PRIMA1: variants seen among roughly 807,000 people sequenced by gnomAD.
The protein encoded by PRIMA1 is proline rich membrane anchor 1.
PRIMA1 carries 7 observed loss-of-function variants against 17.5 expected under a neutral mutation model. The ratio of observed to expected loss-of-function variants is 0.40; its 90% confidence interval spans 0.23 to 0.75. The LOEUF (loss-of-function observed/expected upper bound fraction) is 0.75. PRIMA1 is among the 30% of genes least tolerant of loss of function. PRIMA1 has a pLI of 0.37. For synonymous variants in PRIMA1, 97 were observed against 77.9 expected (o/e 1.25, Z -1.29); for missense variants, 200 against 201.8 (o/e 0.99, Z 0.05).
intron 3 of PRIMA1, among the ~76,000 whole-genome samples, chr14:93,751,053 C>T (rs2076256295): frequency 6.6e-6 from 1 of 152,236 alleles, no homozygotes; most frequent in South Asian, 2.1e-4. Context: ...TGACAACATT[C>T]CCTGGAAGGC....
intron 3 of PRIMA1, among the ~76,000 whole-genome samples, chr14:93,778,812 G>A (rs1566978179): frequency 6.6e-6 from 1 of 152,156 alleles, no homozygotes; most frequent in Non-Finnish European, 1.5e-5. Context: ...CTCCTTAAAT[G>A]TAAATTATAA....
intron 3 of PRIMA1, among the ~76,000 whole-genome samples, chr14:93,755,260 G>A (rs1035934599): frequency 1.3e-5 from 2 of 152,188 alleles, no homozygotes; most frequent in Admixed American, 1.3e-4. Flanking sequence ...CGAGCACCCT[G>A]CACACGCCGG....
intron 3 of PRIMA1, among the ~76,000 whole-genome samples, chr14:93,737,763 G>A (rs74076320): frequency 0.017 from 2,576 of 152,294 alleles, 78 homozygotes; most frequent in African/African-American, 0.059. Flanking sequence ...CAGCCAGGCT[G>A]GCCTCTGAGC....
intron 4 of PRIMA1, chr14:93,725,745 T>C (rs1379741198): frequency 2.8e-6 from 1 of 351,052 alleles, no homozygotes; most frequent in Non-Finnish European, 5.6e-6. Context: ...GTTTGTTAGC[T>C]CTCAGTACTG....
At chr14:93,750,183 G>A (rs1402343512) in intron 3 of PRIMA1, among the ~76,000 whole-genome samples, 9 of 151,714 alleles carry the variant, frequency 5.9e-5, no homozygotes, top group South Asian at 2.1e-4. Flanking sequence ...GTGAGACTCC[G>A]TCTAAAAAAA....
In PRIMA1 at chr14:93,726,129, A is replaced by G. The variant is rs2076074050; in HGVS notation, c.360-4583T>C. 1 of 449,156 alleles carries G rather than the reference A, an allele frequency of 2.2e-6. No individual in the cohort carries two copies. Among genetic ancestry groups the G allele is most frequent in the Middle Eastern group, 5.1e-4 (1 of 1,966 alleles). The allele number at this position is 449,156 out of a possible 1,614,324, so 27.8% of individuals were successfully genotyped here. ...CCCTGCCCTGGGCTTGGAGGGCAGC[A>G]GGCTCCCACATTCCCTGCTCGGAGT... is the stretch of plus-strand genomic sequence containing the variant. On this transcript the variant is annotated intron_variant, in intron 4 of 4. Transcript: ENST00000393140. The surrounding 1 kb of genome is among the most constrained non-coding windows in gnomAD (Gnocchi z 4.2).
chr14:93,727,215 C>A (rs902448248), intron 4 of PRIMA1, among the ~76,000 whole-genome samples: 3 of 152,172 alleles, frequency 2.0e-5, no homozygotes, highest in Admixed American at 2.0e-4. Context: ...GCGGAACTGG[C>A]GACTGTGCAT....
chr14:93,724,521 C>T (rs185629121), intron 4 of PRIMA1, among the ~76,000 whole-genome samples: 4 of 152,292 alleles, frequency 2.6e-5, no homozygotes, highest in Non-Finnish European at 4.4e-5. Flanking sequence ...AAGCCTTAAG[C>T]AGCTCTGATG....
At chr14:93,730,659 C>T (rs1480227172) in intron 4 of PRIMA1, among the ~76,000 whole-genome samples, 2 of 152,206 alleles carry the variant, frequency 1.3e-5, no homozygotes, top group Non-Finnish European at 2.9e-5. Flanking sequence ...TTCCAGGTGC[C>T]CCCAGGTAAC....
chr14:93,719,536 T>G lies in PRIMA1; in HGVS notation c.*1908A>C, dbSNP rs1021312176. ...GGGTGGTGTGTGCTTAGGGCTAGGG[T>G]CCTGCCCAGGGGTCTGCTTAGGGCA... On this transcript the variant is annotated 3_prime_UTR_variant, in exon 5 of 5. Transcript: ENST00000393140. 1 of 152,624 alleles carries G rather than the reference T, an allele frequency of 6.6e-6. No individual in the cohort carries two copies. Among genetic ancestry groups the G allele is most frequent in the Admixed American group, 6.5e-5 (1 of 15,294 alleles). 9.5% of individuals were successfully genotyped at this position (152,624 alleles called of 1,614,324 possible).
rs141079543 is a variant in PRIMA1 at position 93,760,993 on chromosome 14, G to GT, written c.229+18182dup. ...AGTGATTGTCTTAAGAAGCAAATCT[G>GT]TAAGTGTCATCCCTATGGTCAGAAT... is the stretch of plus-strand genomic sequence containing the variant. On this transcript the variant is annotated intron_variant, in intron 3 of 4. Transcript: ENST00000393140. 4.1e-3 allele frequency among the ~76,000 whole-genome samples: 623 copies of GT among 152,126 alleles called. 8 individuals are homozygous for GT. The highest frequency in any genetic ancestry group is 0.023 in the South Asian group (110 of 4,828).
chr14:93,788,087 C>G (rs1885578277), intron 1 of PRIMA1, among the ~76,000 whole-genome samples: 1 of 152,210 alleles, frequency 6.6e-6, no homozygotes, highest in African/African-American at 2.4e-5. Flanking sequence ...ACAACTCACT[C>G]TCACTGTGAG....
chr14:93,723,243 G>T (rs2076054129), intron 4 of PRIMA1, among the ~76,000 whole-genome samples: 1 of 152,150 alleles, frequency 6.6e-6, no homozygotes, highest in Non-Finnish European at 1.5e-5. Context: ...CCAGGGTTGA[G>T]CCCGGATCTG....
intron 4 of PRIMA1, among the ~76,000 whole-genome samples, chr14:93,729,746 C>T (rs745905249): frequency 2.0e-5 from 3 of 152,218 alleles, no homozygotes; most frequent in Non-Finnish European, 4.4e-5. Flanking sequence ...AGGTAGATGG[C>T]GGAGCTGCTT....
At chr14:93,732,918 C>T (rs1177177651) in intron 4 of PRIMA1, among the ~76,000 whole-genome samples, 1 of 152,210 alleles carries the variant, frequency 6.6e-6, no homozygotes, top group Non-Finnish European at 1.5e-5. Flanking sequence ...CTGTCAGAAA[C>T]ATGTGCCCGT....
At position 93,718,496 on chromosome 14, in the gene PRIMA1, G is replaced by T. The variant is rs2076017479; in HGVS notation, c.*2948C>A. ...ATTGAGAGAACTCCCAGGAGCAACTGTCCTCTCTCCAGTACACGCGGCACG... is the reference window on the plus strand; with the variant it reads ...ATTGAGAGAACTCCCAGGAGCAACTTTCCTCTCTCCAGTACACGCGGCACG... On this transcript the variant is annotated 3_prime_UTR_variant, in exon 5 of 5. Coordinates refer to ENST00000393140, the MANE Select transcript of PRIMA1 (RefSeq NM_178013.4). 1 of 152,536 alleles carries T rather than the reference G, an allele frequency of 6.6e-6. No homozygotes were observed. The highest frequency in any genetic ancestry group is 2.4e-5 in the African/African-American group (1 of 41,400). 9.4% of individuals were successfully genotyped at this position (152,536 alleles called of 1,614,324 possible).
intron 4 of PRIMA1, among the ~76,000 whole-genome samples, chr14:93,724,111 C>T (rs1056035912): frequency 1.3e-5 from 2 of 152,148 alleles, no homozygotes; most frequent in Non-Finnish European, 2.9e-5. Context: ...TCTTGAACTC[C>T]TGGCCTCAAG....
At position 93,782,548 on chromosome 14, in the gene PRIMA1, G is replaced by A. The variant is rs188681982; in HGVS notation, c.94-3237C>T. 1.6e-4 allele frequency among the ~76,000 whole-genome samples: 24 copies of A among 151,194 alleles called. No homozygotes were observed. In the East Asian group the frequency reaches 4.4e-3, roughly 28 times the overall value. On this transcript the variant is annotated intron_variant, in intron 2 of 4. Coordinates refer to ENST00000393140, the MANE Select transcript of PRIMA1 (RefSeq NM_178013.4). ...AGGTGGGAGGATTGCTTGAGCCCAG[G>A]AGGTTGAGGCTGCAGTGAGCTATTA... is the stretch of plus-strand genomic sequence containing the variant.
intron 3 of PRIMA1, among the ~76,000 whole-genome samples, chr14:93,772,207 C>T (rs1885090801): frequency 6.6e-6 from 1 of 152,208 alleles, no homozygotes; most frequent in Admixed American, 6.5e-5. Context: ...TGGCCTTTGG[C>T]ACATAGGAGA....
Sources: gnomAD v4.1 joint callset for allele counts (sites outside exome capture counted in the v4.1 genomes callset) on GRCh38, gnomAD v4.1.1 for gene constraint, Gnocchi (gnomAD v3.1) non-coding constraint, MANE v1.5 for transcripts, NCBI Gene and HGNC (gene_info 2026-07-23, HGNC 2026-07-21) for gene names.